The following MCOLN3 variants were observed in gnomAD, a reference collection of about 807,000 sequenced individuals.
MCOLN3 encodes the protein mucolipin TRP cation channel 3.
A neutral mutation model predicts 69.4 loss-of-function variants in MCOLN3; 62 were observed. The observed-to-expected ratio is 0.89, with a 90% CI of 0.73 to 1.10. The LOEUF (loss-of-function observed/expected upper bound fraction) is 1.10, where lower values mean the gene tolerates loss of function less well. Ranked by LOEUF, MCOLN3 falls within the 50% of genes least tolerant of loss-of-function variation. The pLI, the probability that MCOLN3 is intolerant of heterozygous loss-of-function variation, is 0.00. For synonymous variants in MCOLN3, 183 were observed against 217.0 expected (o/e 0.84, Z 1.38); for missense variants, 564 against 656.4 (o/e 0.86, Z 1.54).
intron 2 of MCOLN3, 107 bp downstream of exon 2, chr1:85,045,026 C>G (rs1006209965): frequency 2.6e-6 from 2 of 777,956 alleles, no homozygotes; most frequent in African/African-American, 1.8e-5. Flanking sequence ...TGTTACTCTT[C>G]AACATTTTGC....
chr1:85,041,299 G>A lies in MCOLN3; in HGVS notation c.229-122C>T, dbSNP rs983456832. On this transcript the variant is annotated intron_variant, in intron 2 of 12. Transcript: ENST00000370589. The stretch of plus-strand genomic sequence containing the variant: ...TAAAATGAATTCTCTGGGACATCAA[G>A]AAGGTTTTGCAGCAGGTGGATAATA... The A allele has an allele frequency of 1.2e-4, 98 of 788,386 alleles. 2 individuals carry two copies. The South Asian group carries it at 2.0e-3, about 16-fold the overall frequency. The allele number at this position is 788,386 out of a possible 1,614,324, so 48.8% of individuals were successfully genotyped here.
At chr1:85,021,003 C>G in intron 12 of MCOLN3, 67 bp downstream of exon 12, 1 of 1,216,240 alleles carries the variant, frequency 8.2e-7, no homozygotes, top group South Asian at 1.5e-5. Context: ...CCATTAGGTA[C>G]TGAATTTTAC....
At chr1:85,043,006 T>C (rs1184407849) in intron 2 of MCOLN3, among the ~76,000 whole-genome samples, 3 of 152,224 alleles carry the variant, frequency 2.0e-5, no homozygotes, top group African/African-American at 7.2e-5. Flanking sequence ...TCTTAAACCA[T>C]TGTTCAGTTT....
intron 11 of MCOLN3, 30 bp downstream of exon 11, chr1:85,022,040 A>T (rs758954220): frequency 3.9e-5 from 62 of 1,601,974 alleles, no homozygotes; most frequent in Non-Finnish European, 4.3e-5. Context: ...AAAGCTTAAT[A>T]GTAACAGGAA....
intron 2 of MCOLN3, among the ~76,000 whole-genome samples, chr1:85,043,485 G>T (rs1017747222): frequency 1.3e-5 from 2 of 151,230 alleles, no homozygotes; most frequent in Non-Finnish European, 2.9e-5. Context: ...AGCTGAGATG[G>T]CGCCACTGTA....
intron 12 of MCOLN3, among the ~76,000 whole-genome samples, chr1:85,020,216 C>T (rs978344084): frequency 1.4e-4 from 21 of 152,182 alleles, no homozygotes; most frequent in African/African-American, 4.1e-4. Flanking sequence ...AGAGGACATT[C>T]GGTCCCTGAA....
rs777911758 is a variant in MCOLN3, at chr1:85,032,680, C to T, written c.732+16G>A. On this transcript the variant is annotated intron_variant, in intron 6 of 12. Transcript: ENST00000370589. The stretch of plus-strand genomic sequence containing the variant: ...TTCTCCAGACTGGAACCAAATTCAG[C>T]CTGGCCCACACTTACAGTCAGAGTA... 1 of 1,585,528 alleles carries T rather than the reference C, an allele frequency of 6.3e-7. No homozygotes were observed. The highest frequency in any genetic ancestry group is 1.1e-5 in the South Asian group (1 of 90,464).
chr1:85,046,336 G>GTTGGGTC (rs1557696322), intron 1 of MCOLN3, among the ~76,000 whole-genome samples: 1 of 151,854 alleles, frequency 6.6e-6, no homozygotes, highest in Non-Finnish European at 1.5e-5. Context: ...TTTGAAAAGG[G>GTTGGGTC]TTGGGTCGGG....
chr1:85,028,228 C>T (rs970729018), intron 7 of MCOLN3, among the ~76,000 whole-genome samples: 5 of 152,166 alleles, frequency 3.3e-5, no homozygotes, highest in African/African-American at 1.2e-4. Flanking sequence ...GGCAAAATTT[C>T]ATTTTATTTA....
At chr1:85,021,973 A>C (rs1651960866) in intron 11 of MCOLN3, 97 bp downstream of exon 11, 3 of 1,449,842 alleles carry the variant, frequency 2.1e-6, no homozygotes, top group African/African-American at 1.4e-5. Context: ...TTAAGGCTGA[A>C]TCACAAAATA....
Position 85,032,885 on chromosome 1 carries a change from G to T in MCOLN3, c.622C>A (p.Leu208Met). The T allele has an allele frequency of 1.9e-6, 3 of 1,614,196 alleles. No individual in the cohort carries two copies. Among genetic ancestry groups the T allele is most frequent in the Non-Finnish European group, 2.5e-6 (3 of 1,180,026 alleles). Residue 208 changes from leucine (L) to methionine (M), a missense_variant, in exon 5 of 13, where the codon CTG becomes ATG. Coordinates refer to ENST00000370589, the MANE Select transcript of MCOLN3 (RefSeq NM_018298.11). ...TGCTCCCCTCACCTGTGGAAGTCCA[G>T]TGTTAAGTTCAGTTTATTTTCTGCT... is the stretch of plus-strand genomic sequence containing the variant. The part of the protein sequence containing the change: ...TPAENKLNLT[L>M]DFHRLLTVEL...
chr1:85,041,863 T>A, intron 2 of MCOLN3, among the ~76,000 whole-genome samples: 1 of 102,436 alleles, frequency 9.8e-6, no homozygotes, highest in South Asian at 3.7e-4. Context: ...AGAGCGAAAC[T>A]ACGTCTCAAA....
chr1:85,024,509 G>A (rs1320937006), intron 9 of MCOLN3: 1 of 151,988 alleles, frequency 6.6e-6, no homozygotes, highest in East Asian at 1.9e-4. Flanking sequence ...GCAGGAGGCA[G>A]ATAAATTAGG....
chr1:85,034,183 A>G lies in MCOLN3; in HGVS notation c.465T>C (p.Ala155=), dbSNP rs775127304. ...AYENKGTKQS[A]MAICQHFYKR... The stretch of plus-strand genomic sequence containing the variant: ...TGTAGAAGTGCTGACAGATTGCCAT[A>G]GCAGATTGCTTGGTACCTTTGTTCT... The change falls in exon 4 of 13, where the codon GCT becomes GCC. Residue 155 remains alanine (A), a synonymous_variant. Transcript: ENST00000370589. 6.2e-7 allele frequency: 1 copy of G among 1,614,108 alleles called. No homozygotes were observed. The highest frequency in any genetic ancestry group is 1.3e-5 in the African/African-American group (1 of 74,944).
At chr1:85,031,257 G>A (rs1252863387) in intron 6 of MCOLN3, among the ~76,000 whole-genome samples, 25 of 137,256 alleles carry the variant, frequency 1.8e-4, no homozygotes, top group Admixed American at 1.4e-3. Context: ...GCAATGGAGC[G>A]AGAATCCATC....
intron 12 of MCOLN3, among the ~76,000 whole-genome samples, chr1:85,019,477 T>C (rs1375330937): frequency 6.6e-6 from 1 of 152,170 alleles, no homozygotes; most frequent in Non-Finnish European, 1.5e-5. Context: ...GAGCTCTCTT[T>C]CTGGGTCCAC....
intron 2 of MCOLN3, among the ~76,000 whole-genome samples, chr1:85,043,413 C>G (rs1053353904): frequency 1.9e-4 from 29 of 151,904 alleles, no homozygotes. Context: ...GCCTGTAATC[C>G]CAGCTACTGA....
At position 85,029,150 on chromosome 1, in the gene MCOLN3, T is replaced by A. The variant is rs756523202; in HGVS notation, c.788A>T (p.Asp263Val). 6 of 1,607,278 alleles carry A rather than the reference T, an allele frequency of 3.7e-6. No individual in the cohort carries two copies. ...SGRIKISLDN[D>V]ISIRECKDWH... ...GTCTTTACATTCTCTGATGGAAATG[T>A]CATTATCTAAACTTATTTTAATTCT... The change falls in exon 7 of 13, where the codon GAC becomes GTC. Residue 263 changes from aspartate (D) to valine (V), a missense_variant. Physicochemically the swap from Asp to Val is radical, Grantham distance 152. Transcript: ENST00000370589.
intron 4 of MCOLN3, among the ~76,000 whole-genome samples, chr1:85,033,513 T>C (rs1457069376): frequency 6.6e-6 from 1 of 152,210 alleles, no homozygotes; most frequent in African/African-American, 2.4e-5. Flanking sequence ...ATACTTATTT[T>C]TTAACTCAAT....
Sources: gnomAD v4.1 joint callset for allele counts (sites outside exome capture counted in the v4.1 genomes callset) on GRCh38, gnomAD v4.1.1 for gene constraint, MANE v1.5 for transcripts, NCBI Gene and HGNC (gene_info 2026-07-23, HGNC 2026-07-21) for gene names.